Variants in NRCAM observed in about 807,000 individuals in gnomAD.
The protein encoded by NRCAM is NgCAM-related cell adhesion molecule.
A neutral mutation model predicts 156.5 loss-of-function variants in NRCAM; 83 were observed. That is an observed-to-expected ratio of 0.53 (90% CI 0.44 to 0.64). The LOEUF is 0.64. NRCAM is among the 30% of genes least tolerant of loss of function. The probability of loss-of-function intolerance (pLI) is 0.00; values close to 1 mark genes in which losing one functional copy is unlikely to be tolerated. For synonymous variants in NRCAM, 538 were observed against 563.9 expected (o/e 0.95, Z 0.65); for missense variants, 1,417 against 1,597.3 (o/e 0.89, Z 1.92).
chr7:108,380,854 G>A (rs2154357533), intron 2 of NRCAM, among the ~76,000 whole-genome samples: 1 of 152,182 alleles, frequency 6.6e-6, no homozygotes, highest in African/African-American at 2.4e-5. Context: ...TCTAATAAAT[G>A]CTCCTGAGTA....
chr7:108,374,257 T>G (rs1431932318), intron 2 of NRCAM, among the ~76,000 whole-genome samples: 2 of 152,158 alleles, frequency 1.3e-5, no homozygotes, highest in East Asian at 3.9e-4. Context: ...GAATGAGACT[T>G]CAGTTGCAGT....
At chr7:108,224,246 T>G (rs1039934108) in intron 10 of NRCAM, among the ~76,000 whole-genome samples, 1 of 152,100 alleles carries the variant, frequency 6.6e-6, no homozygotes, top group Non-Finnish European at 1.5e-5. Context: ...CTGGAAGATG[T>G]TAGATTTTTA....
intron 2 of NRCAM, among the ~76,000 whole-genome samples, chr7:108,391,849 G>A (rs2099761129): frequency 6.6e-6 from 1 of 152,194 alleles, no homozygotes; most frequent in African/African-American, 2.4e-5. Flanking sequence ...AGTTTGGCTG[G>A]ATATGAAATT....
At chr7:108,345,160 A>G (rs1392269817) in intron 2 of NRCAM, among the ~76,000 whole-genome samples, 1 of 152,218 alleles carries the variant, frequency 6.6e-6, no homozygotes, top group Non-Finnish European at 1.5e-5. Context: ...TATATTATAT[A>G]TGGACATAAA....
At chr7:108,428,836 G>T (rs1820789673) in intron 1 of NRCAM, among the ~76,000 whole-genome samples, 1 of 152,132 alleles carries the variant, frequency 6.6e-6, no homozygotes. Flanking sequence ...TGGCAGAAGA[G>T]TGGAGACATT....
At chr7:108,324,885 T>C (rs1246183725) in intron 2 of NRCAM, among the ~76,000 whole-genome samples, 1 of 141,362 alleles carries the variant, frequency 7.1e-6, no homozygotes, top group Non-Finnish European at 1.5e-5. Context: ...TACTTTTTTT[T>C]TTTTTTTTTT....
intron 3 of NRCAM, among the ~76,000 whole-genome samples, chr7:108,296,010 G>A (rs569196266): frequency 1.3e-5 from 2 of 152,294 alleles, no homozygotes; most frequent in African/African-American, 4.8e-5. Flanking sequence ...TTGAGCTAGC[G>A]GAGAGTTCCC....
At chr7:108,213,566 G>A (rs2085985751) in intron 11 of NRCAM, among the ~76,000 whole-genome samples, 1 of 152,152 alleles carries the variant, frequency 6.6e-6, no homozygotes, top group South Asian at 2.1e-4. Flanking sequence ...AAATAAAGGA[G>A]TGGAAAAAGT....
chr7:108,341,199 G>A (rs1431056303), intron 2 of NRCAM, among the ~76,000 whole-genome samples: 1 of 152,234 alleles, frequency 6.6e-6, no homozygotes, highest in East Asian at 1.9e-4. Context: ...CTCTGAGTCA[G>A]AAGCCACTAA....
chr7:108,172,758 A>ATGG (rs772983111), intron 28 of NRCAM, among the ~76,000 whole-genome samples: 22 of 152,212 alleles, frequency 1.4e-4, no homozygotes, highest in Admixed American at 3.3e-4. Context: ...AAGGGTTAGT[A>ATGG]TGGCATCATA....
At chr7:108,414,499 G>C (rs1479764686) in intron 1 of NRCAM, among the ~76,000 whole-genome samples, 1 of 152,048 alleles carries the variant, frequency 6.6e-6, no homozygotes, top group Non-Finnish European at 1.5e-5. Flanking sequence ...CCTGAGAAAG[G>C]GTACAAAAGA....
chr7:108,273,051 T>A (rs1382451685), intron 3 of NRCAM, among the ~76,000 whole-genome samples: 1 of 152,214 alleles, frequency 6.6e-6, no homozygotes, highest in Non-Finnish European at 1.5e-5. Flanking sequence ...TCCAGCTTCA[T>A]CCATGTCCCT....
At chr7:108,170,179 T>C (rs553303457) in intron 28 of NRCAM, among the ~76,000 whole-genome samples, 2 of 151,894 alleles carry the variant, frequency 1.3e-5, no homozygotes, top group African/African-American at 4.8e-5. Flanking sequence ...TTACCATATA[T>C]ATATATATTT....
chr7:108,169,813 C>T (rs879249273), intron 28 of NRCAM, among the ~76,000 whole-genome samples: 1 of 152,066 alleles, frequency 6.6e-6, no homozygotes, highest in African/African-American at 2.4e-5. Flanking sequence ...CATTAATTTT[C>T]TTAAAAAATT....
At chr7:108,155,322 A>G (rs1186854580) in intron 32 of NRCAM, among the ~76,000 whole-genome samples, 1 of 151,890 alleles carries the variant, frequency 6.6e-6, no homozygotes, top group Admixed American at 6.6e-5. Context: ...AAAATAAAAT[A>G]TATACATATT....
At chr7:108,151,364 AT>A (rs1297588468) in intron 32 of NRCAM, among the ~76,000 whole-genome samples, 16 of 152,314 alleles carry the variant, frequency 1.1e-4, no homozygotes, top group African/African-American at 3.8e-4. Flanking sequence ...TGGCTGCAGT[AT>A]TTAATCTAGC....
intron 2 of NRCAM, among the ~76,000 whole-genome samples, chr7:108,376,179 C>T (rs566023453): frequency 1.3e-5 from 2 of 152,176 alleles, no homozygotes; most frequent in African/African-American, 4.8e-5. Flanking sequence ...AGCCAAGGGG[C>T]AGCCATGTGA....
chr7:108,365,803 C>G (rs774878870), intron 2 of NRCAM, among the ~76,000 whole-genome samples: 8 of 150,564 alleles, frequency 5.3e-5, no homozygotes, highest in Non-Finnish European at 1.0e-4. Flanking sequence ...TAAAAATATG[C>G]CTTTTTGGTT....
In NRCAM at chr7:108,384,629, G is replaced by A. The variant is rs143049715; in HGVS notation, c.-174+14807C>T. Among the ~76,000 whole-genome samples the A allele has an allele frequency of 8.3e-3, 1,263 of 152,228 alleles. 9 individuals are homozygous for A. The highest frequency in any genetic ancestry group is 0.011 in the Non-Finnish European group (747 of 68,010). ...GCTTAAACTGCCCTTGGATTACAGC[G>A]CTTTTCTCACTGTAAAGTATTAATA... On this transcript the variant is annotated intron_variant, in intron 2 of 32. Coordinates refer to ENST00000379028, the MANE Select transcript of NRCAM (RefSeq NM_001037132.4).
Sources: allele counts gnomAD v4.1 joint callset (sites outside exome capture counted in the v4.1 genomes callset), GRCh38; gene constraint gnomAD v4.1.1; transcripts MANE v1.5; gene names NCBI Gene and HGNC (gene_info 2026-07-23, HGNC 2026-07-21).